The following SP110 variants were observed in gnomAD, a reference collection of about 807,000 sequenced individuals.
SP110 encodes SP110 nuclear body protein, also known as interferon-induced protein 41, 30kD.
Under a neutral mutation model 92.7 loss-of-function variants are expected in SP110, and 62 were observed. The ratio of observed to expected loss-of-function variants is 0.67; its 90% CI spans 0.55 to 0.83. The LOEUF (loss-of-function observed/expected upper bound fraction) is 0.83. Among genes scored for constraint, SP110 ranks in the 40% least tolerant of loss-of-function variants. The pLI, the probability that SP110 is intolerant of heterozygous loss-of-function variation, is 0.00. For missense variants in SP110, 793 were observed against 863.9 expected (o/e 0.92, Z 1.03); for synonymous variants, 273 against 305.3 (o/e 0.89, Z 1.10).
At chr2:230,180,249 C>T (rs1046627714) in intron 12 of SP110, among the ~76,000 whole-genome samples, 3 of 152,074 alleles carry the variant, frequency 2.0e-5, no homozygotes, top group African/African-American at 4.8e-5. Context: ...AAAGCCTAAT[C>T]GAGATGAGGA....
At position 230,208,024 on chromosome 2, in the gene SP110, T is replaced by G; in HGVS notation, c.865A>C (p.Lys289Gln). The change falls in exon 8 of 19, where the codon AAA becomes CAA. Residue 289 changes from lysine (K) to glutamine (Q), a missense_variant. By Grantham distance (53) the Lys-to-Gln change is moderately conservative. Transcript: ENST00000258381. ...KRKRCIWSTP[K>Q]RRHKKKSLPG... ...AGGCTTTTTTTCTTATGTCTCCTTT[T>G]TGGAGTTGACCAGATACATCTTTTT... The G allele has an allele frequency of 6.4e-7, 1 of 1,568,898 alleles. No individual in the cohort carries two copies. Among genetic ancestry groups the G allele is most frequent in the South Asian group, 1.1e-5 (1 of 89,452 alleles).
rs753895350 is a variant in SP110, at chr2:230,183,653, T to C, written c.1280-13A>G. 3.6e-6 allele frequency: 5 copies of C among 1,401,196 alleles called. No homozygotes were observed. The African/African-American group carries it at 4.2e-5, about 12-fold the overall frequency. The allele number at this position is 1,401,196 out of a possible 1,614,324, so 86.8% of individuals were successfully genotyped here. A position where few individuals can be genotyped will look rare whatever the true frequency, so the allele number is the denominator to read the frequency against. Reference sequence around the variant, plus strand: ...TCCTTTTTCTTTTCTAAACACAGAATTAATAATCACTTATAGCTACAAACA... The same window carrying C: ...TCCTTTTTCTTTTCTAAACACAGAACTAATAATCACTTATAGCTACAAACA... On this transcript the variant is annotated splice_polypyrimidine_tract_variant and intron_variant, in intron 11 of 18. Coordinates refer to ENST00000258381, the MANE Select transcript of SP110 (RefSeq NM_080424.4).
At chr2:230,191,763 C>T (rs2042641495) in intron 10 of SP110, among the ~76,000 whole-genome samples, 1 of 152,078 alleles carries the variant, frequency 6.6e-6, no homozygotes, top group Admixed American at 6.6e-5. Context: ...AAGGAGGGAA[C>T]TCCTCCTTAA....
At chr2:230,170,911 T>C (rs968384576) in intron 17 of SP110, 150 bp from the exon 18 acceptor site, 3 of 754,236 alleles carry the variant, frequency 4.0e-6, no homozygotes, top group Non-Finnish European at 6.9e-6. Flanking sequence ...AGGCACTAGA[T>C]AAACTAAATT....
intron 10 of SP110, among the ~76,000 whole-genome samples, chr2:230,187,359 A>T (rs1291794943): frequency 6.6e-6 from 1 of 151,374 alleles, no homozygotes; most frequent in African/African-American, 2.4e-5. Context: ...TTTTTCTATA[A>T]TGTTTGAGTT....
intron 8 of SP110, among the ~76,000 whole-genome samples, chr2:230,206,270 T>C (rs553541658): frequency 6.6e-6 from 1 of 152,160 alleles, no homozygotes; most frequent in African/African-American, 2.4e-5. Context: ...CCTGCCTCCA[T>C]CACCAAAATT....
chr2:230,195,553 C>T (rs970651683), intron 10 of SP110, among the ~76,000 whole-genome samples: 2 of 152,126 alleles, frequency 1.3e-5, no homozygotes, highest in African/African-American at 4.8e-5. Context: ...TGGTCTTGAA[C>T]TCCTGGACTC....
chr2:230,212,823 G>C lies in SP110; in HGVS notation c.521C>G (p.Pro174Arg), dbSNP rs1405387856. 2.1e-5 allele frequency: 34 copies of C among 1,614,076 alleles called. No homozygotes were observed. The highest frequency in any genetic ancestry group is 2.9e-5 in the Non-Finnish European group (34 of 1,180,010). ...AGGCAGGACAGGGTCAGATGGGCTG[G>C]GCGACTCACTCAGGATCTCATCGCT... ...QQSDEILSESPSPSDPVLPLP... is the reference protein window; with the variant it reads ...QQSDEILSESRSPSDPVLPLP... The change falls in exon 4 of 19, where the codon CCC (proline) becomes CGC (arginine). Residue 174 changes from proline (P) to arginine (R), a missense_variant. Transcript: ENST00000258381.
chr2:230,180,505 A>G (rs954519756), intron 12 of SP110, among the ~76,000 whole-genome samples: 1 of 152,198 alleles, frequency 6.6e-6, no homozygotes, highest in Non-Finnish European at 1.5e-5. Flanking sequence ...GCACTGTGTC[A>G]TCTATCCGCA....
Position 230,202,583 on chromosome 2 carries a change from T to G in SP110, c.1044A>C (p.Ser348=). The G allele has an allele frequency of 6.2e-7, 1 of 1,614,198 alleles. No individual in the cohort carries two copies. Among genetic ancestry groups the G allele is most frequent in the Non-Finnish European group, 8.5e-7 (1 of 1,180,020 alleles). ...ARTECARKSR[S]EEIIDGTSEM... The stretch of plus-strand genomic sequence containing the variant: ...AGATTCCATCATCAGCCTTACCCTC[T>G]GATCTCGACTTTCGGGCACATTCAG... Residue 348 remains serine (S), a synonymous_variant, in exon 9 of 19, where the codon TCA becomes TCC. Transcript: ENST00000258381.
In SP110 at chr2:230,177,559, C is replaced by T. The variant is rs868756811; in HGVS notation, c.1569G>A (p.Met523Ile). The T allele has an allele frequency of 2.5e-6, 4 of 1,613,956 alleles. No homozygotes were observed. The highest frequency in any genetic ancestry group is 1.3e-5 in the African/African-American group (1 of 74,944). Residue 523 changes from methionine (M) to isoleucine (I), a missense_variant, in exon 14 of 19, where the codon ATG becomes ATA. Coordinates refer to ENST00000258381, the MANE Select transcript of SP110 (RefSeq NM_080424.4). ...NWKRNIRCEG[M>I]TLGELLKRKN... is the part of the protein sequence containing the mutation. ...ATACCTTCAGCAGCTCTCCTAGGGT[C>T]ATTCCTTCACAACGTATATTCCGTT...
chr2:230,175,120 G>A (rs2041797144), intron 14 of SP110, among the ~76,000 whole-genome samples: 1 of 152,052 alleles, frequency 6.6e-6, no homozygotes, highest in African/African-American at 2.4e-5. Flanking sequence ...TAATACAGAA[G>A]GCATATGTCC....
chr2:230,172,313 C>T, intron 15 of SP110, 139 bp from the exon 16 acceptor site: 1 of 723,404 alleles, frequency 1.4e-6, no homozygotes, highest in Non-Finnish European at 2.5e-6. Context: ...CCAAGATCCC[C>T]ACATGGGGTC....
intron 10 of SP110, among the ~76,000 whole-genome samples, chr2:230,198,950 C>T (rs1053181625): frequency 1.1e-4 from 17 of 151,956 alleles, no homozygotes; most frequent in Non-Finnish European, 2.5e-4. Context: ...TTTGACTTTG[C>T]CATTTTCTCT....
At chr2:230,175,779 A>C (rs2041829780) in intron 14 of SP110, among the ~76,000 whole-genome samples, 1 of 152,210 alleles carries the variant, frequency 6.6e-6, no homozygotes, top group African/African-American at 2.4e-5. Context: ...TGCCCTGTAG[A>C]GACAAAGCTC....
At chr2:230,173,958 C>T (rs1352657347) in intron 14 of SP110, 1 of 152,208 alleles carries the variant, frequency 6.6e-6, no homozygotes, top group African/African-American at 2.4e-5. Flanking sequence ...CATACACAAT[C>T]TTTGCAGGCA....
chr2:230,216,212 A>G (rs2045157583), intron 2 of SP110, among the ~76,000 whole-genome samples: 2 of 152,178 alleles, frequency 1.3e-5, no homozygotes, highest in African/African-American at 2.4e-5. Flanking sequence ...TCCATCTAGA[A>G]TCTGTGAATG....
intron 14 of SP110, chr2:230,176,586 C>A: frequency 6.2e-7 from 1 of 1,612,092 alleles, no homozygotes; most frequent in Non-Finnish European, 8.5e-7. Context: ...TGACTCAGAG[C>A]TTGGAAACTC....
At position 230,169,163 on chromosome 2, in the gene SP110, A is replaced by G. The variant is rs1339264692; in HGVS notation, c.2103T>C (p.Phe701=). 1 of 1,613,994 alleles carries G rather than the reference A, an allele frequency of 6.2e-7. No individual in the cohort carries two copies. Among genetic ancestry groups the G allele is most frequent in the Non-Finnish European group, 8.5e-7 (1 of 1,179,882 alleles). ...AGAAACCGCCGTCATTGGCTTCATG[A>G]AAACCGAGCACGTCTTTGAGATCTT... ...FEKDLKDVLG[F]HEANDGGFWT... Residue 701 remains phenylalanine, a synonymous_variant, in exon 19 of 19, where the codon TTT becomes TTC. Coordinates refer to ENST00000258381, the MANE Select transcript of SP110 (RefSeq NM_080424.4).
Sources: allele counts gnomAD v4.1 joint callset (sites outside exome capture counted in the v4.1 genomes callset), GRCh38; gene constraint gnomAD v4.1.1; transcripts MANE v1.5; gene names NCBI Gene and HGNC (gene_info 2026-07-23, HGNC 2026-07-21).